Variants in VPS50 observed in about 807,000 individuals in gnomAD.
VPS50 encodes syndetin.
Under a neutral mutation model 139.7 loss-of-function variants are expected in VPS50, and 70 were observed. The ratio of observed to expected loss-of-function variants is 0.50; its 90% CI spans 0.41 to 0.61. The LOEUF is 0.61. VPS50 is among the 20% of genes least tolerant of loss of function. The pLI, the probability that VPS50 is intolerant of heterozygous loss-of-function variation, is 0.00. For synonymous variants in VPS50, 365 were observed against 376.7 expected (o/e 0.97, Z 0.36); for missense variants, 921 against 1,133.7 (o/e 0.81, Z 2.69).
chr7:93,252,260 G>A (rs1049854949), intron 2 of VPS50, among the ~76,000 whole-genome samples: 1 of 151,986 alleles, frequency 6.6e-6, no homozygotes, highest in African/African-American at 2.4e-5. Context: ...AGTTATTGAG[G>A]TGTTCTTCCC....
intron 16 of VPS50, among the ~76,000 whole-genome samples, chr7:93,299,279 A>G (rs1480377228): frequency 2.0e-5 from 3 of 152,204 alleles, no homozygotes; most frequent in Admixed American, 6.5e-5. Flanking sequence ...TTGAACAGAA[A>G]CTTTAGAAAT....
In VPS50 at chr7:93,359,123, AAACC is replaced by A. The variant is rs1425775650; in HGVS notation, c.*690_*693del. 6.6e-6 allele frequency: 1 copy of A among 152,152 alleles called. No homozygotes were observed. Among genetic ancestry groups the A allele is most frequent in the Non-Finnish European group, 1.5e-5 (1 of 68,022 alleles). The allele number at this position is 152,152 out of a possible 1,614,324, so 9.4% of individuals were successfully genotyped here. On this transcript the variant is annotated 3_prime_UTR_variant, in exon 28 of 28. Transcript: ENST00000305866. ...CTAATTTTAATTGTTTTATATCCTG[AAACC>A]AATGGTGAAAAGTAATTTCATTGAG...
At chr7:93,240,233 ACACACACACACACACACTCT>A (rs2116775686) in intron 2 of VPS50, among the ~76,000 whole-genome samples, 1 of 145,754 alleles carries the variant, frequency 6.9e-6, no homozygotes, top group East Asian at 2.0e-4. Context: ...ACACACACAC[ACACACACACACACACACTCT>A]CTCTCTCTCT....
At chr7:93,343,231 C>T (rs1798280789) in intron 23 of VPS50, among the ~76,000 whole-genome samples, 1 of 151,972 alleles carries the variant, frequency 6.6e-6, no homozygotes, top group Admixed American at 6.6e-5. Flanking sequence ...GAAAGGGTAT[C>T]AGCGATGGAA....
chr7:93,350,089 C>A (rs921938174), intron 25 of VPS50, 56 bp downstream of exon 25: 15 of 1,272,986 alleles, frequency 1.2e-5, no homozygotes, highest in Non-Finnish European at 1.0e-5. Flanking sequence ...AGAAGTGTTC[C>A]TTTATTGCAG....
chr7:93,294,374 G>A lies in VPS50; in HGVS notation c.1076-171G>A, dbSNP rs1004406337. On this transcript the variant is annotated intron_variant, in intron 13 of 27. Coordinates refer to ENST00000305866, the MANE Select transcript of VPS50 (RefSeq NM_017667.4). ...TCTACGTTTATTTGTCTCACCAAATGGGTTTAAGTCTAATACCTATTGTTT... is the reference window on the plus strand; with the variant it reads ...TCTACGTTTATTTGTCTCACCAAATAGGTTTAAGTCTAATACCTATTGTTT... 5.3e-5 allele frequency among the ~76,000 whole-genome samples: 8 copies of A among 151,974 alleles called. No individual in the cohort carries two copies. The South Asian group carries it at 6.3e-4, about 12-fold the overall frequency.
At chr7:93,312,612 G>A (rs1404400416) in intron 20 of VPS50, among the ~76,000 whole-genome samples, 1 of 152,028 alleles carries the variant, frequency 6.6e-6, no homozygotes, top group Non-Finnish European at 1.5e-5. Flanking sequence ...AGAAGAATAA[G>A]TTCGTGCATT....
intron 23 of VPS50, among the ~76,000 whole-genome samples, chr7:93,342,656 G>T (rs1487207912): frequency 6.6e-6 from 1 of 152,196 alleles, no homozygotes; most frequent in East Asian, 1.9e-4. Flanking sequence ...GCCTCAAGTG[G>T]GTCCCTGACC....
intron 22 of VPS50, 44 bp from the exon 23 acceptor site, chr7:93,341,383 T>G: frequency 7.0e-7 from 1 of 1,423,062 alleles, no homozygotes; most frequent in South Asian, 1.3e-5. Flanking sequence ...GGTTTATTAC[T>G]GTTAGATTTG....
Position 93,297,161 on chromosome 7 carries a change from G to A in VPS50, c.1279G>A (p.Glu427Lys). 1.3e-6 allele frequency: 2 copies of A among 1,564,324 alleles called. No individual in the cohort carries two copies. Among genetic ancestry groups the A allele is most frequent in the South Asian group, 1.2e-5 (1 of 80,108 alleles). ...DIISRLMQVG[E>K]EFCGSKSEVL... ...TCCAACTAGGTTGATGCAAGTTGGA[G>A]AAGAATTTTGTGGTAGCAAGTCTGA... Residue 427 changes from glutamate (E) to lysine (K), a missense_variant, in exon 16 of 28, where the codon GAA (glutamate) becomes AAA (lysine). By Grantham distance (56) the Glu-to-Lys change is moderately conservative (BLOSUM62 1). Transcript: ENST00000305866.
intron 20 of VPS50, among the ~76,000 whole-genome samples, chr7:93,322,426 C>T (rs1190708791): frequency 2.0e-5 from 3 of 151,414 alleles, no homozygotes; most frequent in African/African-American, 7.3e-5. Context: ...GGTGAAACCC[C>T]GTCTCTACTA....
intron 14 of VPS50, among the ~76,000 whole-genome samples, chr7:93,294,892 TAGCAA>T (rs1796762676): frequency 3.3e-5 from 5 of 152,208 alleles, no homozygotes; most frequent in Non-Finnish European, 7.4e-5. Flanking sequence ...TTTAGAGGCC[TAGCAA>T]ATTTCCACTA....
intron 21 of VPS50, among the ~76,000 whole-genome samples, chr7:93,329,215 C>G (rs1308465103): frequency 6.6e-6 from 1 of 151,960 alleles, no homozygotes; most frequent in Non-Finnish European, 1.5e-5. Context: ...ATTTTAAATG[C>G]ATGAACATCT....
At chr7:93,309,014 G>C in intron 19 of VPS50, 72 bp downstream of exon 19, 1 of 715,032 alleles carries the variant, frequency 1.4e-6, no homozygotes, top group South Asian at 2.4e-5. Context: ...TTCCTTTAAG[G>C]TTAAGAAGAA....
intron 9 of VPS50, among the ~76,000 whole-genome samples, chr7:93,261,927 T>A (rs984388989): frequency 1.7e-4 from 26 of 152,188 alleles, no homozygotes; most frequent in Non-Finnish European, 1.2e-4. Context: ...ATTGGATTTA[T>A]AGCAACAAAG....
chr7:93,291,834 T>A lies in VPS50; in HGVS notation c.1074T>A (p.Ser358=). 1 of 1,571,634 alleles carries A rather than the reference T, an allele frequency of 6.4e-7. No homozygotes were observed. The highest frequency in any genetic ancestry group is 8.6e-7 in the Non-Finnish European group (1 of 1,161,022). Residue 358 remains serine, a splice_region_variant and synonymous_variant, in exon 13 of 28, where the codon TCT becomes TCA. Coordinates refer to ENST00000305866, the MANE Select transcript of VPS50 (RefSeq NM_017667.4). ...KHDNEDTASA[S]EGSNMIGTEE... ...ACAATGAGGATACTGCTTCAGCTTCTGGTAGGAAAATATTTTTATTTTATT... is the reference window on the plus strand; with the variant it reads ...ACAATGAGGATACTGCTTCAGCTTCAGGTAGGAAAATATTTTTATTTTATT...
At chr7:93,314,888 G>A (rs1797379516) in intron 20 of VPS50, among the ~76,000 whole-genome samples, 1 of 151,942 alleles carries the variant, frequency 6.6e-6, no homozygotes, top group Non-Finnish European at 1.5e-5. Context: ...AAGTTTCTCA[G>A]CAGTTTAGTT....
In VPS50 at chr7:93,259,568, G is replaced by A. The variant is rs766547007; in HGVS notation, c.595G>A (p.Ala199Thr). 1.3e-6 allele frequency: 2 copies of A among 1,585,586 alleles called. No individual in the cohort carries two copies. The highest frequency in any genetic ancestry group is 1.7e-6 in the Non-Finnish European group (2 of 1,154,728). Residue 199 changes from alanine to threonine, a missense_variant, in exon 9 of 28, where the codon GCT becomes ACT. Transcript: ENST00000305866. ...CCTTAAGGAGGAAGATTATCCAGGA[G>A]CTATTCAGTTGTGCCTTGAATGTCA... is the stretch of plus-strand genomic sequence containing the variant. Reference protein sequence around the residue: ...EMLEEEDYPGAIQLCLECQKA... With the variant: ...EMLEEEDYPGTIQLCLECQKA...
intron 2 of VPS50, among the ~76,000 whole-genome samples, chr7:93,250,703 TTAAAC>T (rs1425105145): frequency 6.6e-6 from 1 of 152,106 alleles, no homozygotes; most frequent in African/African-American, 2.4e-5. Flanking sequence ...TGGGATCTGA[TTAAAC>T]TAAAGAGCTT....
Sources: allele counts gnomAD v4.1 joint callset (sites outside exome capture counted in the v4.1 genomes callset), GRCh38; gene constraint gnomAD v4.1.1; transcripts MANE v1.5; gene names NCBI Gene and HGNC (gene_info 2026-07-23, HGNC 2026-07-21).